TRMT11: variants seen among roughly 807,000 people sequenced by gnomAD.
TRMT11 encodes the protein tRNA (guanine(10)-N(2))-methyltransferase TRMT11.
A neutral mutation model predicts 62.8 loss-of-function variants in TRMT11; 53 were observed. The observed-to-expected ratio is 0.84, with a 90% CI of 0.68 to 1.06. The LOEUF (loss-of-function observed/expected upper bound fraction) is 1.06, where lower values mean the gene tolerates loss of function less well. TRMT11 is among the 50% of genes least tolerant of loss of function. The probability of loss-of-function intolerance (pLI) is 0.00; values close to 1 mark genes in which losing one functional copy is unlikely to be tolerated. For missense variants in TRMT11, 556 were observed against 553.4 expected, an observed-to-expected ratio of 1.00 and a Z score of -0.05; for synonymous variants, 188 against 190.3, an observed-to-expected ratio of 0.99 and a Z score of 0.10.
chr6:126,257,552 T>G, the TRMT11 span, among the ~76,000 whole-genome samples: 1 of 152,168 alleles, frequency 6.6e-6, no homozygotes, highest in Non-Finnish European at 1.5e-5. Flanking sequence ...CCTCTTCAAT[T>G]TTCTGGAATA....
the TRMT11 span, among the ~76,000 whole-genome samples, chr6:126,247,341 A>G: frequency 6.6e-6 from 1 of 151,772 alleles, no homozygotes; most frequent in African/African-American, 2.4e-5. Flanking sequence ...ACACACATGC[A>G]CGCACACACG....
chr6:126,227,042 G>C, the TRMT11 span, among the ~76,000 whole-genome samples: 1 of 152,172 alleles, frequency 6.6e-6, no homozygotes, highest in African/African-American at 2.4e-5. Flanking sequence ...AGGCCTCCCA[G>C]CCATGTGGAA....
At chr6:126,210,570 A>G in the TRMT11 span, among the ~76,000 whole-genome samples, 1 of 152,206 alleles carries the variant, frequency 6.6e-6, no homozygotes, top group Non-Finnish European at 1.5e-5. Flanking sequence ...GTAATTTGTG[A>G]TGCAGCAATA....
the TRMT11 span, among the ~76,000 whole-genome samples, chr6:126,210,141 A>T: frequency 2.6e-5 from 4 of 152,188 alleles, no homozygotes; most frequent in African/African-American, 9.6e-5. Context: ...TTTTTTGTTA[A>T]TCAAAAGGGA....
At chr6:126,136,263 A>C (rs1777848766) in intron 21 of TRMT11, among the ~76,000 whole-genome samples, 1 of 151,662 alleles carries the variant, frequency 6.6e-6, no homozygotes, top group Admixed American at 6.6e-5. Context: ...CTGCCAAAAA[A>C]CTTTTAGAAC....
chr6:126,264,925 T>C, the TRMT11 span, among the ~76,000 whole-genome samples: 1 of 152,190 alleles, frequency 6.6e-6, no homozygotes, highest in African/African-American at 2.4e-5. Context: ...TGTATCCTAT[T>C]GGCTCATGTT....
chr6:126,018,798 T>G (rs1795365906), intron 11 of TRMT11, among the ~76,000 whole-genome samples: 1 of 152,212 alleles, frequency 6.6e-6, no homozygotes, highest in Non-Finnish European at 1.5e-5. Context: ...AAATATAGAT[T>G]TATGCCTTCT....
Position 126,011,262 on chromosome 6 carries a change from C to G in TRMT11, c.770C>G (p.Thr257Ser), listed in dbSNP as rs1794136757. The G allele has an allele frequency of 6.2e-7, 1 of 1,611,168 alleles. No individual in the cohort carries two copies. Among genetic ancestry groups the G allele is most frequent in the Non-Finnish European group, 8.5e-7 (1 of 1,178,708 alleles). The change falls in exon 9 of 13, where the codon ACT (threonine) becomes AGT (serine). Residue 257 changes from threonine to serine, a missense_variant. Transcript: ENST00000334379. ...TTTTCTTTCCCTTCAGGAAAGGCTA[C>G]TAGGAAAAACCAGAAGTGGAGAGGA... Reference protein sequence around the residue: ...YNTVHGLGKATRKNQKWRGPD... With the variant: ...YNTVHGLGKASRKNQKWRGPD...
At chr6:126,232,591 A>T in the TRMT11 span, among the ~76,000 whole-genome samples, 1 of 152,174 alleles carries the variant, frequency 6.6e-6, no homozygotes. Context: ...TGAGTAGGGC[A>T]GGAAAGTGCT....
At chr6:126,270,333 AAT>A in the TRMT11 span, among the ~76,000 whole-genome samples, 1 of 152,196 alleles carries the variant, frequency 6.6e-6, no homozygotes, top group African/African-American at 2.4e-5. Flanking sequence ...GGGAGATGCA[AAT>A]ATAGAATAAG....
At chr6:126,107,561 C>T (rs2128184618) in intron 17 of TRMT11, among the ~76,000 whole-genome samples, 1 of 152,244 alleles carries the variant, frequency 6.6e-6, no homozygotes. Context: ...ACATTTCAGT[C>T]CTAAATCATG....
chr6:126,136,936 T>C (rs1221731768), intron 21 of TRMT11, among the ~76,000 whole-genome samples: 1 of 135,884 alleles, frequency 7.4e-6, no homozygotes, highest in Non-Finnish European at 1.7e-5. Context: ...TATCCATATG[T>C]AGAAAAATGA....
intron 1 of TRMT11, chr6:126,177,424 C>T (rs1583900129): frequency 6.6e-6 from 1 of 152,148 alleles, no homozygotes; most frequent in Non-Finnish European, 1.5e-5. Context: ...CCCCAACTCT[C>T]GATGTGCAGA....
At chr6:125,993,885 A>C in intron 2 of TRMT11, 63 bp downstream of exon 2, 1 of 938,272 alleles carries the variant, frequency 1.1e-6, no homozygotes, top group Admixed American at 2.1e-5. Context: ...GGGTTTGAAG[A>C]GAAGAAGTGC....
the TRMT11 span, among the ~76,000 whole-genome samples, chr6:126,248,704 C>A: frequency 6.6e-6 from 1 of 152,140 alleles, no homozygotes; most frequent in Non-Finnish European, 1.5e-5. Context: ...CTGTTCACTG[C>A]TATATTTCCT....
At chr6:126,200,071 C>T (rs1213665369) in intron 3 of TRMT11, among the ~76,000 whole-genome samples, 2 of 152,124 alleles carry the variant, frequency 1.3e-5, no homozygotes, top group Admixed American at 1.3e-4. Context: ...GAAGAAGCTG[C>T]AGGGCCTAAC....
At chr6:126,099,628 T>TC (rs34922264) in intron 17 of TRMT11, among the ~76,000 whole-genome samples, 1 of 152,136 alleles carries the variant, frequency 6.6e-6, no homozygotes, top group African/African-American at 2.4e-5. Context: ...CCACCTGTAA[T>TC]CCCAGCTACT....
chr6:126,262,411 G>A, the TRMT11 span, among the ~76,000 whole-genome samples: 1 of 152,182 alleles, frequency 6.6e-6, no homozygotes, highest in African/African-American at 2.4e-5. Flanking sequence ...CAGAGTCTTG[G>A]TTGTTCATAT....
intron 21 of TRMT11, among the ~76,000 whole-genome samples, chr6:126,167,379 C>T (rs1376336287): frequency 2.6e-5 from 4 of 152,196 alleles, no homozygotes; most frequent in African/African-American, 9.7e-5. Flanking sequence ...AGTTCTCTGA[C>T]CCCTTGCACT....
Sources: gnomAD v4.1 joint callset for allele counts (sites outside exome capture counted in the v4.1 genomes callset) on GRCh38, gnomAD v4.1.1 for gene constraint, MANE v1.5 for transcripts, NCBI Gene and HGNC (gene_info 2026-07-23, HGNC 2026-07-21) for gene names.